Variants in ME3 observed in about 807,000 individuals in gnomAD.
ME3 encodes the protein NADP-dependent malic enzyme, mitochondrial.
A neutral mutation model predicts 68.9 loss-of-function variants in ME3; 48 were observed. That is an observed-to-expected ratio of 0.70 (90% CI 0.55 to 0.89). The LOEUF is 0.89. ME3 is among the 40% of genes least tolerant of loss of function. The probability of loss-of-function intolerance (pLI) is 0.00; values close to 1 mark genes in which losing one functional copy is unlikely to be tolerated. For synonymous variants in ME3, 320 were observed against 318.8 expected (o/e 1.00, Z -0.04); for missense variants, 675 against 797.4 (o/e 0.85, Z 1.85).
At chr11:86,509,939 T>C (rs188882486) in intron 4 of ME3, among the ~76,000 whole-genome samples, 2 of 152,274 alleles carry the variant, frequency 1.3e-5, no homozygotes, top group East Asian at 3.9e-4. Context: ...CTAGGGTACA[T>C]TGAAGTCCAT....
intron 4 of ME3, among the ~76,000 whole-genome samples, chr11:86,543,769 A>G (rs761374456): frequency 5.3e-5 from 8 of 152,240 alleles, no homozygotes; most frequent in Non-Finnish European, 8.8e-5. Context: ...TAACAAGGAT[A>G]TTCCGAACTT....
chr11:86,534,215 G>A (rs1955488411), intron 4 of ME3, among the ~76,000 whole-genome samples: 1 of 151,780 alleles, frequency 6.6e-6, no homozygotes, highest in Admixed American at 6.6e-5. Context: ...GATGACCCAG[G>A]ACATTACTGT....
intron 2 of ME3, among the ~76,000 whole-genome samples, chr11:86,618,792 A>G (rs983713591): frequency 9.4e-5 from 14 of 148,538 alleles, no homozygotes; most frequent in African/African-American, 3.5e-4. Flanking sequence ...ATCTCGGCTC[A>G]CTGCAACCTC....
At chr11:86,578,797 T>C (rs1565165234) in intron 2 of ME3, among the ~76,000 whole-genome samples, 1 of 152,156 alleles carries the variant, frequency 6.6e-6, no homozygotes. Context: ...CTGTTTACAC[T>C]TCACTGCTTT....
At chr11:86,579,514 T>C (rs1321471331) in intron 2 of ME3, among the ~76,000 whole-genome samples, 1 of 152,196 alleles carries the variant, frequency 6.6e-6, no homozygotes, top group South Asian at 2.1e-4. Flanking sequence ...TGTGTCTAGC[T>C]ACTGGCTGGA....
chr11:86,600,722 T>C (rs530942972), intron 2 of ME3, among the ~76,000 whole-genome samples: 103 of 151,898 alleles, frequency 6.8e-4, no homozygotes, highest in Non-Finnish European at 1.3e-3. Context: ...CCTCAGCAAA[T>C]GTAAAAGATC....
At chr11:86,553,076 G>T (rs373636955) in intron 4 of ME3, among the ~76,000 whole-genome samples, 1 of 152,136 alleles carries the variant, frequency 6.6e-6, no homozygotes, top group African/African-American at 2.4e-5. Context: ...TTCATGGGGC[G>T]TTCCCTCAAG....
intron 2 of ME3, among the ~76,000 whole-genome samples, chr11:86,592,207 G>T (rs529266919): frequency 6.6e-6 from 1 of 152,274 alleles, no homozygotes; most frequent in African/African-American, 2.4e-5. Flanking sequence ...GGTGTGTTGG[G>T]AATTCAATCA....
intron 2 of ME3, among the ~76,000 whole-genome samples, chr11:86,623,460 T>A (rs1348809998): frequency 6.6e-6 from 1 of 152,242 alleles, no homozygotes; most frequent in Non-Finnish European, 1.5e-5. Flanking sequence ...ATTCCTATAA[T>A]AAATCTCCTC....
intron 4 of ME3, among the ~76,000 whole-genome samples, chr11:86,549,806 C>A (rs1956574338): frequency 1.3e-5 from 2 of 152,154 alleles, no homozygotes; most frequent in Non-Finnish European, 2.9e-5. Flanking sequence ...ATGTAGAACT[C>A]CCCTCCCAAC....
chr11:86,443,318 T>G (rs1949111640), intron 13 of ME3, among the ~76,000 whole-genome samples: 1 of 152,214 alleles, frequency 6.6e-6, no homozygotes, highest in African/African-American at 2.4e-5. Flanking sequence ...TGAGTGACCA[T>G]CTAGGCTATG....
At chr11:86,540,171 G>C (rs1246912871) in intron 4 of ME3, among the ~76,000 whole-genome samples, 1 of 152,236 alleles carries the variant, frequency 6.6e-6, no homozygotes, top group Non-Finnish European at 1.5e-5. Flanking sequence ...AGGGAATAGA[G>C]GCCCCGAGTT....
At chr11:86,449,926 T>C in exon 10 of ME3, 1 of 1,614,114 alleles carries the variant, frequency 6.2e-7, no homozygotes, top group South Asian at 1.1e-5. Flanking sequence ...CATCCAGATC[T>C]TTCTTGTGGC....
In ME3 at chr11:86,559,819, A is replaced by G. The variant is rs1277886416; in HGVS notation, c.188T>C (p.Met63Thr). ...CAGCCTTTCTTCAAGGGTAAAGGCCATCCCCTGGGAAAAACAGGAAAAGAA... is the reference window on the plus strand; with the variant it reads ...CAGCCTTTCTTCAAGGGTAAAGGCCGTCCCCTGGGAAAAACAGGAAAAGAA... Residue 63 changes from methionine to threonine, a missense_variant, in exon 3 of 15, where the codon ATG (methionine) becomes ACG (threonine). Physicochemically the swap from Met to Thr is moderately conservative, Grantham distance 81. Coordinates refer to ENST00000543262, the Ensembl canonical transcript of ME3. 3 of 1,613,378 alleles carry G rather than the reference A, an allele frequency of 1.9e-6. No homozygotes were observed. The Admixed American group carries it at 5.0e-5, about 27-fold the overall frequency.
chr11:86,559,433 G>T (rs563551993), intron 3 of ME3, among the ~76,000 whole-genome samples: 19 of 152,084 alleles, frequency 1.2e-4, no homozygotes, highest in Non-Finnish European at 2.8e-4. Flanking sequence ...CTTCCCAGAG[G>T]CCCTTCCAGA....
At chr11:86,571,195 A>G (rs1026688583) in intron 2 of ME3, among the ~76,000 whole-genome samples, 1 of 152,228 alleles carries the variant, frequency 6.6e-6, no homozygotes, top group Non-Finnish European at 1.5e-5. Flanking sequence ...TGAACTGCAT[A>G]TTCCTTCTGC....
intron 2 of ME3, among the ~76,000 whole-genome samples, chr11:86,564,601 GA>G (rs760343787): frequency 3.9e-5 from 6 of 152,220 alleles, no homozygotes; most frequent in Admixed American, 2.6e-4. Context: ...TCCAATGGGG[GA>G]AAGAATAGTC....
chr11:86,563,606 G>T (rs932571896), intron 2 of ME3, among the ~76,000 whole-genome samples: 1 of 152,012 alleles, frequency 6.6e-6, no homozygotes, highest in Admixed American at 6.6e-5. Context: ...AATCTTAGAT[G>T]CACTGAGTTA....
At chr11:86,498,099 C>T (rs1160681216) in exon 6 of ME3, 13 of 1,612,284 alleles carry the variant, frequency 8.1e-6, no homozygotes, top group Admixed American at 3.3e-5. Context: ...GCCCAGGATG[C>T]GCTCCCCATC....
Sources: gnomAD v4.1 joint callset for allele counts (sites outside exome capture counted in the v4.1 genomes callset) on GRCh38, gnomAD v4.1.1 for gene constraint, MANE v1.5 for transcripts, NCBI Gene and HGNC (gene_info 2026-07-23, HGNC 2026-07-21) for gene names.